The following FUBP1 variants were observed in gnomAD, a reference collection of about 807,000 sequenced individuals.
FUBP1 encodes far upstream element-binding protein 1.
In FUBP1, 16 loss-of-function variants were observed where a neutral mutation model predicts 94.9. The observed-to-expected ratio is 0.17, with a 90% CI of 0.11 to 0.26. The LOEUF (loss-of-function observed/expected upper bound fraction) is 0.26. Ranked by LOEUF, FUBP1 falls within the 10% of genes least tolerant of loss-of-function variation. The pLI, the probability that FUBP1 is intolerant of heterozygous loss-of-function variation, is 1.00. For synonymous variants in FUBP1, 279 were observed against 254.9 expected (o/e 1.09, Z -0.90); for missense variants, 583 against 808.6 (o/e 0.72, Z 3.38).
chr1:77,965,000 C>G, intron 8 of FUBP1, 32 bp from the exon 9 acceptor site: 1 of 1,594,252 alleles, frequency 6.3e-7, no homozygotes, highest in Non-Finnish European at 8.6e-7. Context: ...TATATATTAA[C>G]AAAAGGAAGT....
Position 77,963,615 on chromosome 1 carries a change from AAATT to A in FUBP1, c.1138_1141del (p.Asn380LeufsTer10), listed in dbSNP as rs1655935069. ...TCCAGTTTTCCCAGTTGGCACAATA[AAATT>A]AAATTCCTGTAGTCCACCAGGTGGT... On this transcript the variant is annotated frameshift_variant, in exon 13 of 20. Coordinates refer to ENST00000370768, the MANE Select transcript of FUBP1 (RefSeq NM_003902.5). LOFTEE classifies it high-confidence loss of function. 1 of 1,600,266 alleles carries A rather than the reference AAATT, an allele frequency of 6.2e-7. No homozygotes were observed. Among genetic ancestry groups the A allele is most frequent in the Non-Finnish European group, 8.6e-7 (1 of 1,167,638 alleles).
chr1:77,958,083 C>T (rs751350000), intron 16 of FUBP1, among the ~76,000 whole-genome samples: 7 of 152,112 alleles, frequency 4.6e-5, no homozygotes, highest in Admixed American at 6.5e-5. Context: ...TTAGCCATGG[C>T]GTCTGGCCAT....
At chr1:77,975,676 G>C (rs1037413243) in intron 1 of FUBP1, among the ~76,000 whole-genome samples, 5 of 152,122 alleles carry the variant, frequency 3.3e-5, no homozygotes, top group Non-Finnish European at 7.4e-5. Context: ...CAATGTTCTA[G>C]AGACAGAAGT....
chr1:77,966,974 ATT>A lies in FUBP1; in HGVS notation c.344-21_344-20del, dbSNP rs5775434. ...CCAATTACTAGTTAGAAAAAAAAAAATTTTTTTTTTGGTTGAAAGATTCTAAA... is the reference window on the plus strand; with the variant it reads ...CCAATTACTAGTTAGAAAAAAAAAAATTTTTTTTGGTTGAAAGATTCTAAA... On this transcript the variant is annotated intron_variant, in intron 5 of 19. Transcript: ENST00000370768. The A allele has an allele frequency of 1.2e-5, 17 of 1,458,920 alleles. No homozygotes were observed. The highest frequency in any genetic ancestry group is 2.4e-5 in the South Asian group (2 of 83,078). 90.4% of individuals were successfully genotyped at this position (1,458,920 alleles called of 1,614,324 possible).
chr1:77,953,288 G>A (rs1274703242), intron 18 of FUBP1, among the ~76,000 whole-genome samples: 3 of 152,054 alleles, frequency 2.0e-5, no homozygotes, highest in Non-Finnish European at 4.4e-5. Context: ...TCAGGAGTTT[G>A]AGACCAGCTT....
At chr1:77,973,665 T>C (rs915047993) in intron 1 of FUBP1, among the ~76,000 whole-genome samples, 2 of 152,212 alleles carry the variant, frequency 1.3e-5, no homozygotes, top group Non-Finnish European at 2.9e-5. Context: ...CTCACCTCTA[T>C]TGAGGAAGCC....
At chr1:77,970,753 A>C (rs1184792797) in intron 1 of FUBP1, among the ~76,000 whole-genome samples, 1 of 152,214 alleles carries the variant, frequency 6.6e-6, no homozygotes, top group African/African-American at 2.4e-5. Flanking sequence ...AATTTAAGAA[A>C]TACCCAGCTT....
intron 1 of FUBP1, among the ~76,000 whole-genome samples, chr1:77,973,083 T>C (rs1172680864): frequency 6.7e-6 from 1 of 149,050 alleles, no homozygotes; most frequent in Admixed American, 6.6e-5. Flanking sequence ...CTATAGAAAA[T>C]ACACAATTCC....
Position 77,964,312 on chromosome 1 carries a change from AT to A in FUBP1, c.881del (p.Asn294MetfsTer4). 6.2e-7 allele frequency: 1 copy of A among 1,606,830 alleles called. No homozygotes were observed. On this transcript the variant is annotated frameshift_variant, in exon 11 of 20. Transcript: ENST00000370768. LOFTEE classifies it high-confidence loss of function. The stretch of plus-strand genomic sequence containing the variant: ...TTTGTATTTTTTTGATCATCTCTCC[AT>A]TTCTTCCTATTACAATGCCAACAGC... ...RFAVGIVIGR[N>X]GEMIKKIQND...
intron 16 of FUBP1, among the ~76,000 whole-genome samples, chr1:77,958,824 C>G (rs1197446751): frequency 6.6e-6 from 1 of 152,184 alleles, no homozygotes; most frequent in Non-Finnish European, 1.5e-5. Flanking sequence ...CCTACTCAAA[C>G]TCTTCAATCC....
At chr1:77,969,777 T>C in intron 2 of FUBP1, 148 bp downstream of exon 2, 1 of 412,374 alleles carries the variant, frequency 2.4e-6, no homozygotes, top group Non-Finnish European at 4.4e-6. Flanking sequence ...CTAGTTTTCT[T>C]TCCCCCCTTT....
rs763154932 is a variant in FUBP1 at position 77,962,763 on chromosome 1, T to C, written c.1344+7A>G. 3 of 1,601,798 alleles carry C rather than the reference T, an allele frequency of 1.9e-6. No homozygotes were observed. Among genetic ancestry groups the C allele is most frequent in the East Asian group, 2.2e-5 (1 of 44,730 alleles). On this transcript the variant is annotated splice_region_variant and intron_variant, in intron 14 of 19. Transcript: ENST00000370768. ...CACTAAAAATTAAAAGTTTAAAGTA[T>C]ACTCACACCAATCTTTTCTTCTATG...
At chr1:77,969,867 G>T in intron 2 of FUBP1, 58 bp downstream of exon 2, 2 of 728,210 alleles carry the variant, frequency 2.7e-6, no homozygotes, top group South Asian at 2.0e-5. Flanking sequence ...AAAATACCGA[G>T]AATCACTTCA....
rs1651874919 is a variant in FUBP1 at position 77,945,093 on chromosome 1, G to A, written c.*3673C>T. Among the ~76,000 whole-genome samples the A allele has an allele frequency of 6.6e-6, 1 of 151,966 alleles. No individual in the cohort carries two copies. Among genetic ancestry groups the A allele is most frequent in the South Asian group, 2.1e-4 (1 of 4,828 alleles). Reference sequence around the variant, plus strand: ...TCCATTTATTTCAGACTTAAGATCAGCGTCATTTAAAATAATGCTTATAGT... The same window carrying A: ...TCCATTTATTTCAGACTTAAGATCAACGTCATTTAAAATAATGCTTATAGT... On this transcript the variant is annotated 3_prime_UTR_variant, in exon 20 of 20. Coordinates refer to ENST00000370768, the MANE Select transcript of FUBP1 (RefSeq NM_003902.5).
chr1:77,957,133 C>A (rs1654618111), intron 16 of FUBP1, among the ~76,000 whole-genome samples: 1 of 152,100 alleles, frequency 6.6e-6, no homozygotes, highest in Non-Finnish European at 1.5e-5. Context: ...GAACAATGAA[C>A]TTTGTCCTTA....
At chr1:77,967,149 G>A in intron 4 of FUBP1, 48 bp from the exon 5 acceptor site, 1 of 1,181,586 alleles carries the variant, frequency 8.5e-7, no homozygotes, top group South Asian at 1.4e-5. Flanking sequence ...AAGATACTTT[G>A]TTTACAAATA....
chr1:77,977,157 AG>A (rs1658762893), intron 1 of FUBP1, among the ~76,000 whole-genome samples: 1 of 152,262 alleles, frequency 6.6e-6, no homozygotes, highest in Non-Finnish European at 1.5e-5. Context: ...CATTTGGTCA[AG>A]GAACTATATC....
rs373242000 is a variant in FUBP1 at position 77,979,039 on chromosome 1, A to T, written c.-35T>A. 15 of 1,576,334 alleles carry T rather than the reference A, an allele frequency of 9.5e-6. No homozygotes were observed. The highest frequency in any genetic ancestry group is 1.4e-5 in the African/African-American group (1 of 73,804). On this transcript the variant is annotated 5_prime_UTR_variant, in exon 1 of 20. Transcript: ENST00000370768. ...ATAAGAGCCGCTGCCGCCTGTTCAG[A>T]GACTTCCTCTCAGCTAACAGCTAAG...
chr1:77,963,910 T>C, intron 12 of FUBP1, 152 bp downstream of exon 12: 1 of 676,052 alleles, frequency 1.5e-6, no homozygotes, highest in Non-Finnish European at 2.5e-6. Flanking sequence ...TAGTTCTTCC[T>C]GCTCCAAGAT....
Sources: gnomAD v4.1 joint callset for allele counts (sites outside exome capture counted in the v4.1 genomes callset) on GRCh38, gnomAD v4.1.1 for gene constraint, MANE v1.5 for transcripts, NCBI Gene and HGNC (gene_info 2026-07-23, HGNC 2026-07-21) for gene names.